The following PLS3 variants were observed in gnomAD, a reference collection of about 807,000 sequenced individuals.
The protein encoded by PLS3 is plastin-3.
In PLS3, 11 loss-of-function variants were observed where a neutral mutation model predicts 46.5. That is an observed-to-expected ratio of 0.24 (90% CI 0.15 to 0.39). The LOEUF (loss-of-function observed/expected upper bound fraction) is 0.39. Among genes scored for constraint, PLS3 ranks in the 10% least tolerant of loss-of-function variants. PLS3 has a pLI of 1.00. For missense variants in PLS3, 308 were observed against 461.8 expected, an observed-to-expected ratio of 0.67 and a Z score of 3.05; for synonymous variants, 167 against 162.2, an observed-to-expected ratio of 1.03 and a Z score of -0.22.
At chrX:115,594,342 C>T (rs1186021155) in intron 1 of PLS3, among the ~76,000 whole-genome samples, 1 of 111,578 alleles carries the variant, frequency 9.0e-6, no homozygotes, top group African/African-American at 3.2e-5. Flanking sequence ...AGTCAATCCT[C>T]ACTCTGAGTT....
At position 115,633,034 on chromosome X, in the gene PLS3, G is replaced by A. The variant is rs782489805; in HGVS notation, c.501-966G>A. 2.3e-4 allele frequency among the ~76,000 whole-genome samples: 25 copies of A among 108,679 alleles called. No homozygotes were observed. In the East Asian group the frequency reaches 6.8e-3, roughly 29 times the overall value. The allele number at this position is 108,679 out of a possible 115,157, so 94.4% of individuals were successfully genotyped here. A position where few individuals can be genotyped will look rare whatever the true frequency, so the allele number is the denominator to read the frequency against. On this transcript the variant is annotated intron_variant, in intron 5 of 15. Transcript: ENST00000355899. ...TACAGGCGTGAGCCACACTGTACCT[G>A]GCCCAAGTTTTGTTTTCAATATCCA...
At chrX:115,570,994 A>G (rs1411557961) in intron 1 of PLS3, among the ~76,000 whole-genome samples, 1 of 102,886 alleles carries the variant, frequency 9.7e-6, no homozygotes, top group Non-Finnish European at 2.0e-5. Context: ...CTCCGGGTTC[A>G]TGCGATTCTC....
intron 1 of PLS3, among the ~76,000 whole-genome samples, chrX:115,586,451 A>G (rs1489226923): frequency 9.8e-6 from 1 of 102,087 alleles, no homozygotes; most frequent in Admixed American, 1.1e-4. Context: ...CGGACAGGTC[A>G]TGAGGCCAGG....
chrX:115,645,887 T>C (rs948038698), intron 11 of PLS3, among the ~76,000 whole-genome samples, 185 bp from the exon 12 acceptor site: 1 of 111,892 alleles, frequency 8.9e-6, no homozygotes, highest in African/African-American at 3.2e-5. Context: ...AAGCTCTCAA[T>C]AAATACTTAT....
Position 115,645,010 on chromosome X carries a change from A to G in PLS3, c.1184-11A>G. The G allele has an allele frequency of 8.8e-7, 1 of 1,131,766 alleles. No individual in the cohort carries two copies. Among genetic ancestry groups the G allele is most frequent in the Non-Finnish European group, 1.2e-6 (1 of 823,477 alleles). 93.3% of individuals were successfully genotyped at this position (1,131,766 alleles called of 1,213,427 possible). ...TAATGAATCAGTAAATTTTGTGAAT[A>G]TTCTTAACAGGAGAAACTCGTGAAG... On this transcript the variant is annotated splice_polypyrimidine_tract_variant and intron_variant, in intron 10 of 15. Transcript: ENST00000355899.
chrX:115,644,857 C>T (rs1417907509), intron 10 of PLS3, among the ~76,000 whole-genome samples, 164 bp from the exon 11 acceptor site: 3 of 111,242 alleles, frequency 2.7e-5, no homozygotes, highest in Non-Finnish European at 5.7e-5. Flanking sequence ...TAAGCCTGTA[C>T]CTAGAGAGAA....
intron 1 of PLS3, among the ~76,000 whole-genome samples, chrX:115,564,010 T>G (rs1436362170): frequency 8.9e-6 from 1 of 111,982 alleles, no homozygotes; most frequent in Non-Finnish European, 1.9e-5. Context: ...AACAGAATCA[T>G]CGCTAGGCTC....
intron 1 of PLS3, among the ~76,000 whole-genome samples, chrX:115,596,241 A>T (rs966407228): frequency 1.8e-5 from 2 of 111,829 alleles, no homozygotes; most frequent in Non-Finnish European, 3.8e-5. Context: ...TCTCCAATAG[A>T]GTATGTGTTT....
chrX:115,609,786 G>T (rs1262126338), intron 1 of PLS3, among the ~76,000 whole-genome samples: 1 of 112,394 alleles, frequency 8.9e-6, no homozygotes, highest in Non-Finnish European at 1.9e-5. Context: ...TTCCTTTAAT[G>T]AGAGTGATTG....
chrX:115,632,184 A>C (rs2074783855), intron 5 of PLS3, among the ~76,000 whole-genome samples: 1 of 112,099 alleles, frequency 8.9e-6, no homozygotes, highest in African/African-American at 3.2e-5. Context: ...AAAATCTATA[A>C]ATTGTAAAAA....
chrX:115,626,580 G>A (rs995055050), intron 3 of PLS3, among the ~76,000 whole-genome samples: 10 of 110,262 alleles, frequency 9.1e-5, no homozygotes, highest in Non-Finnish European at 1.9e-4. Flanking sequence ...CACCATACCT[G>A]GCCCATTTTT....
At chrX:115,639,888 G>A in intron 8 of PLS3, 1 of 440,070 alleles carries the variant, frequency 2.3e-6, no homozygotes. Context: ...TCAGATCATA[G>A]AGGGTTCAGT....
In PLS3 at chrX:115,563,342, T is replaced by A. The variant is rs1356745523; in HGVS notation, c.-9+2082T>A. On this transcript the variant is annotated intron_variant, in intron 1 of 15. Transcript: ENST00000355899. Reference sequence around the variant, plus strand: ...GGATAGTAAATTTGATACATCGAGTTGGTTGGGTTTTTGCCTGTCAGTGGT... The same window carrying A: ...GGATAGTAAATTTGATACATCGAGTAGGTTGGGTTTTTGCCTGTCAGTGGT... Among the ~76,000 whole-genome samples, 3 of 111,711 alleles carry A rather than the reference T, an allele frequency of 2.7e-5. No homozygotes were observed. In the East Asian group the frequency reaches 8.4e-4, roughly 31 times the overall value.
At chrX:115,597,728 A>G (rs1556634048) in intron 1 of PLS3, among the ~76,000 whole-genome samples, 1 of 111,722 alleles carries the variant, frequency 9.0e-6, no homozygotes, top group African/African-American at 3.3e-5. Flanking sequence ...CAGTTGCTAA[A>G]TATATCCAGA....
At chrX:115,589,727 A>T (rs1165780054) in intron 1 of PLS3, among the ~76,000 whole-genome samples, 1 of 112,261 alleles carries the variant, frequency 8.9e-6, no homozygotes. Context: ...CTTTAAAAAT[A>T]CTATGCCTAG....
intron 1 of PLS3, among the ~76,000 whole-genome samples, chrX:115,582,104 AT>A (rs1489127474): frequency 8.9e-6 from 1 of 112,316 alleles, no homozygotes; most frequent in African/African-American, 3.2e-5. Context: ...TTTTAAATTT[AT>A]TTTGTCTAAT....
chrX:115,592,130 T>C (rs1343340594), intron 1 of PLS3, among the ~76,000 whole-genome samples: 1 of 111,764 alleles, frequency 8.9e-6, no homozygotes, highest in Non-Finnish European at 1.9e-5. Flanking sequence ...TGCTGAGAGT[T>C]CGGTATGCTA....
chrX:115,576,437 G>A (rs1466333768), intron 1 of PLS3, among the ~76,000 whole-genome samples: 7 of 111,606 alleles, frequency 6.3e-5, no homozygotes, highest in Non-Finnish European at 1.3e-4. Context: ...CAGGCATGGT[G>A]GCGTGCGCCT....
At chrX:115,575,569 A>G (rs1274322813) in intron 1 of PLS3, among the ~76,000 whole-genome samples, 5 of 110,975 alleles carry the variant, frequency 4.5e-5, no homozygotes, top group African/African-American at 1.6e-4. Context: ...TCAGCCTCCC[A>G]AGTAGCTGGG....
Sources: gnomAD v4.1 joint callset for allele counts (sites outside exome capture counted in the v4.1 genomes callset) on GRCh38, gnomAD v4.1.1 for gene constraint, MANE v1.5 for transcripts, NCBI Gene and HGNC (gene_info 2026-07-23, HGNC 2026-07-21) for gene names.